The following GRIK1 variants were observed in gnomAD, a reference collection of about 807,000 sequenced individuals.
GRIK1 encodes the protein glutamate receptor ionotropic, kainate 1.
A neutral mutation model predicts 105.7 loss-of-function variants in GRIK1; 69 were observed. That is an observed-to-expected ratio of 0.65 (90% confidence interval 0.54 to 0.80). The LOEUF is 0.80. Among genes scored for constraint, GRIK1 ranks in the 30% least tolerant of loss-of-function variants. The pLI is 0.00. For synonymous variants in GRIK1, 438 were observed against 431.3 expected (o/e 1.02, Z -0.19); for missense variants, 1,109 against 1,167.3 (o/e 0.95, Z 0.73).
chr21:29,898,235 G>T (rs1406217353), intron 1 of GRIK1, among the ~76,000 whole-genome samples: 1 of 152,110 alleles, frequency 6.6e-6, no homozygotes, highest in East Asian at 1.9e-4. Context: ...GCAAACAGCA[G>T]AACAAAAGTC....
chr21:29,878,357 C>T (rs1601924835), intron 1 of GRIK1, among the ~76,000 whole-genome samples: 1 of 152,076 alleles, frequency 6.6e-6, no homozygotes, highest in East Asian at 1.9e-4. Flanking sequence ...GAGATGGAGA[C>T]AAGAATGTAA....
At chr21:29,575,153 A>G (rs1290936675) in intron 14 of GRIK1, among the ~76,000 whole-genome samples, 2 of 152,198 alleles carry the variant, frequency 1.3e-5, no homozygotes, top group Non-Finnish European at 2.9e-5. Context: ...TTGTTATTAA[A>G]CATTATAACT....
chr21:29,729,280 A>C lies in GRIK1; in HGVS notation c.119-35217T>G, dbSNP rs145744859. 3.7e-3 allele frequency among the ~76,000 whole-genome samples: 557 copies of C among 152,276 alleles called. 5 individuals carry two copies. The highest frequency in any genetic ancestry group is 0.013 in the African/African-American group (530 of 41,566). ...GAGGCTGGGCATTTCTTATTATTTCATGCCGGAAGAAGCCCTAGTCAGCAG... is the reference window on the plus strand; with the variant it reads ...GAGGCTGGGCATTTCTTATTATTTCCTGCCGGAAGAAGCCCTAGTCAGCAG... On this transcript the variant is annotated intron_variant, in intron 1 of 17. Coordinates refer to ENST00000327783, the MANE Select transcript of GRIK1 (RefSeq NM_001330994.2).
intron 1 of GRIK1, among the ~76,000 whole-genome samples, chr21:29,855,435 G>T (rs2146066956): frequency 6.6e-6 from 1 of 152,332 alleles, no homozygotes; most frequent in Middle Eastern, 3.4e-3. Flanking sequence ...GCATGAGGAA[G>T]AGATTTCCAG....
chr21:29,719,430 C>T (rs1412412272), intron 1 of GRIK1, among the ~76,000 whole-genome samples: 1 of 152,110 alleles, frequency 6.6e-6, no homozygotes, highest in Non-Finnish European at 1.5e-5. Context: ...TTCAGCCTTA[C>T]AGAGCAGAGC....
intron 1 of GRIK1, among the ~76,000 whole-genome samples, chr21:29,872,516 C>T (rs1047851641): frequency 7.2e-5 from 11 of 152,094 alleles, no homozygotes; most frequent in Non-Finnish European, 1.5e-4. Context: ...AACTCAAAGT[C>T]GCCTCAGCCT....
chr21:29,907,811 T>C (rs1054524791), intron 1 of GRIK1, among the ~76,000 whole-genome samples: 17 of 152,132 alleles, frequency 1.1e-4, no homozygotes, highest in Non-Finnish European at 2.9e-5. Context: ...ATTTAGTGTA[T>C]AATCGTGCTA....
At chr21:29,916,216 T>C (rs1380993757) in intron 1 of GRIK1, among the ~76,000 whole-genome samples, 2 of 151,896 alleles carry the variant, frequency 1.3e-5, no homozygotes, top group Non-Finnish European at 2.9e-5. Flanking sequence ...ATTGGAAAAA[T>C]ATGTTTCAGT....
intron 1 of GRIK1, among the ~76,000 whole-genome samples, chr21:29,779,625 G>T (rs1026527906): frequency 1.3e-5 from 2 of 152,068 alleles, no homozygotes; most frequent in Admixed American, 6.6e-5. Context: ...TATATAAGGG[G>T]AGGCTTTATG....
At chr21:29,749,584 A>ACCATTTCTGCCACATTTGGGTCTTTT (rs2065130261) in intron 1 of GRIK1, among the ~76,000 whole-genome samples, 5 of 152,210 alleles carry the variant, frequency 3.3e-5, no homozygotes, top group Admixed American at 2.6e-4. Context: ...CCTCTTCTGT[A>ACCATTTCTGCCACATTTGGGTCTTTT]CCATTTCTGC....
chr21:29,867,291 C>A (rs149157584), intron 1 of GRIK1, among the ~76,000 whole-genome samples: 1 of 151,170 alleles, frequency 6.6e-6, no homozygotes, highest in Admixed American at 6.6e-5. Flanking sequence ...AGAAGCGATA[C>A]GACAGATGAA....
intron 16 of GRIK1, among the ~76,000 whole-genome samples, chr21:29,551,103 G>A (rs2090126729): frequency 6.6e-6 from 1 of 152,048 alleles, no homozygotes; most frequent in Non-Finnish European, 1.5e-5. Flanking sequence ...AAGATGCTGT[G>A]GGGAAAAAAA....
At chr21:29,582,183 C>T (rs1290091518) in intron 12 of GRIK1, 1 of 309,000 alleles carries the variant, frequency 3.2e-6, no homozygotes, top group Non-Finnish European at 6.6e-6. Flanking sequence ...AAGGAAGAGA[C>T]AAGGCATACA....
intron 1 of GRIK1, among the ~76,000 whole-genome samples, chr21:29,735,656 G>A (rs1315941283): frequency 2.0e-5 from 3 of 152,038 alleles, no homozygotes; most frequent in Non-Finnish European, 2.9e-5. Context: ...CAGCACTTTG[G>A]GAGGTCGAGG....
chr21:29,901,764 A>C (rs190221505), intron 1 of GRIK1, among the ~76,000 whole-genome samples: 25 of 152,168 alleles, frequency 1.6e-4, no homozygotes, highest in Non-Finnish European at 3.1e-4. Context: ...CAATCAATAG[A>C]AAAAAGAGGG....
chr21:29,743,494 G>A (rs1035156999), intron 1 of GRIK1, among the ~76,000 whole-genome samples: 32 of 151,990 alleles, frequency 2.1e-4, no homozygotes, highest in African/African-American at 5.6e-4. Flanking sequence ...TTAGGAGTTC[G>A]AGACTAGCCT....
intron 1 of GRIK1, among the ~76,000 whole-genome samples, chr21:29,705,473 G>T (rs766702152): frequency 6.6e-6 from 1 of 152,154 alleles, no homozygotes; most frequent in Non-Finnish European, 1.5e-5. Flanking sequence ...CCTTGTAACC[G>T]TGACATGCAG....
chr21:29,671,793 C>T (rs1028705490), intron 4 of GRIK1, among the ~76,000 whole-genome samples: 3 of 152,170 alleles, frequency 2.0e-5, no homozygotes, highest in Non-Finnish European at 4.4e-5. Context: ...CGGCAGACCA[C>T]ATAAATATAA....
intron 1 of GRIK1, among the ~76,000 whole-genome samples, chr21:29,709,244 A>G (rs1310539000): frequency 6.6e-6 from 1 of 151,124 alleles, no homozygotes; most frequent in East Asian, 1.9e-4. Context: ...TGGTAAATAA[A>G]TGACACTTTC....
Sources: allele counts gnomAD v4.1 joint callset (sites outside exome capture counted in the v4.1 genomes callset), GRCh38; gene constraint gnomAD v4.1.1; transcripts MANE v1.5; gene names NCBI Gene and HGNC (gene_info 2026-07-23, HGNC 2026-07-21).